The following DMD variants were observed in gnomAD, a reference collection of about 807,000 sequenced individuals.
The protein encoded by DMD is dystrophin, also known as mutant dystrophin.
Under a neutral mutation model 330.1 loss-of-function variants are expected in DMD, and 63 were observed. That is an observed-to-expected ratio of 0.19 (90% CI 0.16 to 0.24). The LOEUF is 0.24. Among genes scored for constraint, DMD ranks in the 10% least tolerant of loss-of-function variants. DMD has a pLI of 1.00. For missense variants in DMD, 3,344 were observed against 2,684.1 expected (o/e 1.25, Z -5.43); for synonymous variants, 1,223 against 959.8 (o/e 1.27, Z -5.07).
At chrX:31,777,163 G>A (rs778521881) in intron 50 of DMD, among the ~76,000 whole-genome samples, 147 of 111,788 alleles carry the variant, frequency 1.3e-3, no homozygotes, top group African/African-American at 4.7e-3. Flanking sequence ...AAATTTAACA[G>A]CCACCCATTA....
At chrX:32,173,364 A>AATT (rs1212870712) in intron 44 of DMD, among the ~76,000 whole-genome samples, 30 of 109,932 alleles carry the variant, frequency 2.7e-4, no homozygotes, top group African/African-American at 9.3e-4. Flanking sequence ...GCTTCCTAAA[A>AATT]ATTATTATTA....
intron 2 of DMD, among the ~76,000 whole-genome samples, chrX:32,965,223 G>A (rs1480503732): frequency 9.0e-6 from 1 of 111,432 alleles, no homozygotes; most frequent in Non-Finnish European, 1.9e-5. Flanking sequence ...TGGGTGCGGT[G>A]GCTCACGCCT....
intron 1 of DMD, among the ~76,000 whole-genome samples, chrX:33,295,433 TATACCTACACAGTACAC>T (rs1441032742): frequency 9.1e-6 from 1 of 110,411 alleles, no homozygotes; most frequent in African/African-American, 3.3e-5. Flanking sequence ...GTGGTTAAAA[TATACCTACACAGTACAC>T]ATCCCCAAAG....
At chrX:32,982,284 AAAGCAG>A (rs2092725667) in intron 2 of DMD, among the ~76,000 whole-genome samples, 1 of 111,807 alleles carries the variant, frequency 8.9e-6, no homozygotes, top group African/African-American at 3.2e-5. Flanking sequence ...CATTCCAAGT[AAAGCAG>A]AAGCACAGAC....
At chrX:31,887,965 C>T (rs1161872697) in intron 47 of DMD, among the ~76,000 whole-genome samples, 1 of 112,136 alleles carries the variant, frequency 8.9e-6, no homozygotes, top group Non-Finnish European at 1.9e-5. Flanking sequence ...TGTTCTTGTA[C>T]ACTTTGAAAA....
chrX:31,967,439 G>C (rs1179928506), intron 45 of DMD, among the ~76,000 whole-genome samples: 2 of 109,094 alleles, frequency 1.8e-5, no homozygotes, highest in Admixed American at 2.0e-4. Flanking sequence ...AAGAGGGAAA[G>C]AGGAGGTGGG....
chrX:32,443,428 A>ATTTCCAGCTCC (rs1330448365), intron 27 of DMD, among the ~76,000 whole-genome samples: 1 of 111,249 alleles, frequency 9.0e-6, no homozygotes, highest in Non-Finnish European at 1.9e-5. Flanking sequence ...AATCTGGGTC[A>ATTTCCAGCTCC]TTTCCAGCTC....
chrX:32,252,677 A>AATATATATATAAAT (rs766322442), intron 43 of DMD, among the ~76,000 whole-genome samples: 1,588 of 33,554 alleles, frequency 0.047, 168 homozygotes, highest in Non-Finnish European at 0.06. Flanking sequence ...TATATATATA[A>AATATATATATAAAT]ATATATAAAT....
intron 7 of DMD, among the ~76,000 whole-genome samples, chrX:32,709,485 C>T (rs1377172701): frequency 9.0e-6 from 1 of 111,594 alleles, no homozygotes; most frequent in Non-Finnish European, 1.9e-5. Context: ...CACTGCCTTC[C>T]ATGCCTGTAA....
At chrX:32,054,859 G>A (rs1403718501) in intron 44 of DMD, among the ~76,000 whole-genome samples, 1 of 83,311 alleles carries the variant, frequency 1.2e-5, no homozygotes, top group East Asian at 4.3e-4. Flanking sequence ...GAAGGAGAGG[G>A]GAGGGAAGGG....
intron 44 of DMD, among the ~76,000 whole-genome samples, chrX:32,072,209 T>C (rs1368063399): frequency 9.0e-6 from 1 of 111,533 alleles, no homozygotes; most frequent in Non-Finnish European, 1.9e-5. Context: ...TGCCACGATA[T>C]GTAATATTAA....
intron 33 of DMD, among the ~76,000 whole-genome samples, chrX:32,382,102 G>T (rs2147492820): frequency 9.0e-6 from 1 of 111,355 alleles, no homozygotes; most frequent in South Asian, 3.7e-4. Flanking sequence ...TACCTTTAGG[G>T]ATGGTTCAAT....
intron 11 of DMD, among the ~76,000 whole-genome samples, chrX:32,628,002 G>T (rs895037379): frequency 6.4e-5 from 7 of 109,908 alleles, no homozygotes; most frequent in African/African-American, 2.3e-4. Context: ...GGTTAATAGG[G>T]TATCCATCAC....
chrX:32,382,648 C>A (rs2097932599), intron 33 of DMD, among the ~76,000 whole-genome samples: 1 of 107,757 alleles, frequency 9.3e-6, no homozygotes, highest in South Asian at 4.0e-4. Context: ...AAGCATCTGC[C>A]CTTTTGACTG....
intron 44 of DMD, among the ~76,000 whole-genome samples, chrX:32,067,074 C>G (rs1193581465): frequency 1.8e-5 from 2 of 111,648 alleles, no homozygotes; most frequent in African/African-American, 6.5e-5. Context: ...ACATGCTCTT[C>G]TCACTTAAAA....
intron 50 of DMD, among the ~76,000 whole-genome samples, chrX:31,776,152 G>A (rs2090644506): frequency 9.0e-6 from 1 of 111,423 alleles, no homozygotes; most frequent in Non-Finnish European, 1.9e-5. Context: ...AATATCCAGA[G>A]AGGATGCATG....
At chrX:32,800,885 C>T (rs930014895) in intron 7 of DMD, among the ~76,000 whole-genome samples, 3 of 111,600 alleles carry the variant, frequency 2.7e-5, no homozygotes, top group African/African-American at 6.5e-5. Context: ...GAAACTCATC[C>T]TTTTTTGTTG....
At chrX:31,260,855 A>T in intron 63 of DMD, 100 bp downstream of exon 63, 1 of 748,111 alleles carries the variant, frequency 1.3e-6, no homozygotes, top group Non-Finnish European at 2.0e-6. Flanking sequence ...GAAACAATCT[A>T]GTGATGTATT....
intron 1 of DMD, among the ~76,000 whole-genome samples, chrX:33,152,864 C>CA (rs1025106888): frequency 2.7e-5 from 3 of 110,134 alleles, no homozygotes; most frequent in Non-Finnish European, 3.8e-5. Flanking sequence ...AGCAAATGTA[C>CA]AAAAAAAATA....
Sources: allele counts gnomAD v4.1 joint callset (sites outside exome capture counted in the v4.1 genomes callset), GRCh38; gene constraint gnomAD v4.1.1; transcripts MANE v1.5; gene names NCBI Gene and HGNC (gene_info 2026-07-23, HGNC 2026-07-21).